Variants in KATNIP observed in about 807,000 individuals in gnomAD.
The protein encoded by KATNIP is katanin-interacting protein.
Under a neutral mutation model 174.0 loss-of-function variants are expected in KATNIP, and 126 were observed. That is an observed-to-expected ratio of 0.72 (90% CI 0.63 to 0.84). The LOEUF (loss-of-function observed/expected upper bound fraction) is 0.84. Ranked by LOEUF, KATNIP falls within the 40% of genes least tolerant of loss-of-function variation. The pLI, the probability that KATNIP is intolerant of heterozygous loss-of-function variation, is 0.00. For synonymous variants in KATNIP, 810 were observed against 835.7 expected (o/e 0.97, Z 0.53); for missense variants, 1,958 against 2,109.7 (o/e 0.93, Z 1.41).
In KATNIP at chr16:27,701,631, G is replaced by C; in HGVS notation, c.1222G>C (p.Gly408Arg). Residue 408 changes from glycine (G) to arginine (R), a missense_variant, in exon 11 of 28, where the codon GGG becomes CGG. By Grantham distance (125) the Gly-to-Arg change is moderately radical (BLOSUM62 -2). This residue lies in a region of KATNIP where 1,557 missense variants were observed against 1,617.8 expected (regional missense o/e 0.96). Coordinates refer to ENST00000261588, the MANE Select transcript of KATNIP (RefSeq NM_015202.5). ...TTATTTQEPA[G>R]AAGGARAINQ... The stretch of plus-strand genomic sequence containing the variant: ...GGCGACTACTACTCAGGAGCCGGCC[G>C]GGGCAGCAGGAGGAGCCAGGGCCAT... 6.2e-7 allele frequency: 1 copy of C among 1,607,432 alleles called. No homozygotes were observed. Among genetic ancestry groups the C allele is most frequent in the South Asian group, 1.1e-5 (1 of 89,004 alleles).
At chr16:27,710,040 C>T (rs952838814) in intron 13 of KATNIP, among the ~76,000 whole-genome samples, 2 of 152,120 alleles carry the variant, frequency 1.3e-5, no homozygotes, top group African/African-American at 4.8e-5. Flanking sequence ...GCACACTCCA[C>T]AAACGTTGAA....
chr16:27,780,166 T>G lies in KATNIP; in HGVS notation c.*1537T>G, dbSNP rs1056022507. 6.6e-6 allele frequency: 1 copy of G among 152,028 alleles called. No individual in the cohort carries two copies. Among genetic ancestry groups the G allele is most frequent in the Non-Finnish European group, 1.5e-5 (1 of 68,038 alleles). The allele number at this position is 152,028 out of a possible 1,614,324, so 9.4% of individuals were successfully genotyped here. ...GGAGGCCCAGCTACTCCTTCCCAGC[T>G]GAGATGTGGGTACAGGTCAGATTTG... On this transcript the variant is annotated 3_prime_UTR_variant, in exon 28 of 28. Coordinates refer to ENST00000261588, the MANE Select transcript of KATNIP (RefSeq NM_015202.5).
At chr16:27,720,226 G>A (rs1386706638) in intron 13 of KATNIP, among the ~76,000 whole-genome samples, 2 of 152,024 alleles carry the variant, frequency 1.3e-5, no homozygotes, top group East Asian at 1.9e-4. Context: ...GAGTAGCTGG[G>A]ATTACAGGCA....
chr16:27,572,508 T>C (rs1474852828), intron 1 of KATNIP, among the ~76,000 whole-genome samples: 1 of 152,068 alleles, frequency 6.6e-6, no homozygotes, highest in Non-Finnish European at 1.5e-5. Context: ...TAACTCAGCA[T>C]GACAGCTCAC....
At position 27,740,750 on chromosome 16, in the gene KATNIP, G is replaced by A. The variant is rs754102571; in HGVS notation, c.2453G>A (p.Arg818Gln). ...LRHEPGWGTS[R>Q]SVNTKERPQR... is the part of the protein sequence containing the mutation. Reference sequence around the variant, plus strand: ...CATGAGCCAGGGTGGGGGACCAGCCGGAGTGTCAACACCAAGGAGAGACCC... The same window carrying A: ...CATGAGCCAGGGTGGGGGACCAGCCAGAGTGTCAACACCAAGGAGAGACCC... The change falls in exon 15 of 28, where the codon CGG becomes CAG. Residue 818 changes from arginine to glutamine, a missense_variant. This residue lies in a region of KATNIP where 1,557 missense variants were observed against 1,617.8 expected (regional missense o/e 0.96). Transcript: ENST00000261588. The A allele has an allele frequency of 2.2e-5, 35 of 1,614,162 alleles. No homozygotes were observed. Among genetic ancestry groups the A allele is most frequent in the Middle Eastern group, 1.6e-4 (1 of 6,062 alleles).
At chr16:27,739,926 T>G (rs1339576286) in intron 14 of KATNIP, 115 bp from the exon 15 acceptor site, 1 of 1,192,830 alleles carries the variant, frequency 8.4e-7, no homozygotes, top group African/African-American at 1.5e-5. Flanking sequence ...TTTCAAAAGC[T>G]TGCATTTCTA....
chr16:27,689,810 G>A (rs904567498), intron 8 of KATNIP, among the ~76,000 whole-genome samples: 1 of 152,144 alleles, frequency 6.6e-6, no homozygotes, highest in Non-Finnish European at 1.5e-5. Context: ...TGGGCCAGAT[G>A]GTCTAGGACA....
intron 16 of KATNIP, 32 bp downstream of exon 16, chr16:27,750,338 C>T: frequency 6.4e-7 from 1 of 1,572,318 alleles, no homozygotes; most frequent in Admixed American, 1.8e-5. Context: ...TTTCTCAGAG[C>T]CCCTATCTGT....
chr16:27,703,330 C>T (rs531047164), intron 11 of KATNIP, among the ~76,000 whole-genome samples: 3 of 152,060 alleles, frequency 2.0e-5, no homozygotes, highest in South Asian at 2.1e-4. Flanking sequence ...AAACTGCACA[C>T]GTGGGCATGT....
intron 7 of KATNIP, among the ~76,000 whole-genome samples, chr16:27,679,364 G>A (rs1477711057): frequency 2.0e-5 from 3 of 151,906 alleles, no homozygotes; most frequent in Admixed American, 2.0e-4. Flanking sequence ...ATTGGATTAG[G>A]GCCCACCTAT....
chr16:27,731,189 A>G (rs1329639299), intron 14 of KATNIP, among the ~76,000 whole-genome samples: 1 of 152,132 alleles, frequency 6.6e-6, no homozygotes, highest in Non-Finnish European at 1.5e-5. Context: ...CAAGAATTGC[A>G]TGCCAGGGCC....
intron 2 of KATNIP, among the ~76,000 whole-genome samples, chr16:27,585,270 A>G (rs1461728527): frequency 6.7e-6 from 1 of 148,690 alleles, no homozygotes; most frequent in African/African-American, 2.6e-5. Context: ...TATTCAAAAG[A>G]CAGGCAAAAA....
intron 5 of KATNIP, among the ~76,000 whole-genome samples, chr16:27,638,615 G>A (rs1369908136): frequency 1.3e-5 from 2 of 152,068 alleles, no homozygotes; most frequent in African/African-American, 2.4e-5. Flanking sequence ...GTCCTCTCCC[G>A]GTCTTGGGGT....
intron 12 of KATNIP, 152 bp from the exon 13 acceptor site, chr16:27,708,553 G>C: frequency 1.7e-6 from 1 of 597,598 alleles, no homozygotes. Context: ...ATAACCATAG[G>C]TAGTGGGTGC....
chr16:27,706,294 G>A (rs74016987), intron 12 of KATNIP, among the ~76,000 whole-genome samples: 1,690 of 152,294 alleles, frequency 0.011, 29 homozygotes, highest in African/African-American at 0.038. Context: ...ATCTGTGACT[G>A]GTGTGCTTGC....
rs2075298755 is a variant in KATNIP, at chr16:27,595,183, G to T, written c.63+21227G>T. Among the ~76,000 whole-genome samples the T allele has an allele frequency of 2.0e-5, 3 of 152,128 alleles. 1 individual carries two copies. Among genetic ancestry groups the T allele is most frequent in the Admixed American group, 1.3e-4 (2 of 15,262 alleles). On this transcript the variant is annotated intron_variant, in intron 2 of 27. Transcript: ENST00000261588. ...GTAGATTGCATGAGACCAGGAGTTC[G>T]AGATCAGCCTGGGCAACATGGTAAA...
intron 14 of KATNIP, among the ~76,000 whole-genome samples, chr16:27,735,969 A>C (rs1335397988): frequency 6.6e-6 from 1 of 152,158 alleles, no homozygotes; most frequent in Non-Finnish European, 1.5e-5. Context: ...TCAGGAGAGA[A>C]AACCCATGTT....
At chr16:27,656,299 T>C (rs1294418921) in intron 6 of KATNIP, among the ~76,000 whole-genome samples, 1 of 151,404 alleles carries the variant, frequency 6.6e-6, no homozygotes, top group African/African-American at 2.4e-5. Flanking sequence ...ATGCCTGTAG[T>C]CCCAGCTACT....
chr16:27,625,878 CTCTG>C lies in KATNIP; in HGVS notation c.141-2776_141-2773del, dbSNP rs201589563. ...TTCTTTTTTTTTTTGGAGACAAGGT[CTCTG>C]TCTGTCACCCGGGCTGGAGTGCAGT... is the stretch of plus-strand genomic sequence containing the variant. On this transcript the variant is annotated intron_variant, in intron 3 of 27. Transcript: ENST00000261588. Among the ~76,000 whole-genome samples, 890 of 148,740 alleles carry C rather than the reference CTCTG, an allele frequency of 6.0e-3. 5 individuals carry two copies. Among genetic ancestry groups the C allele is most frequent in the Non-Finnish European group, 9.8e-3 (662 of 67,430 alleles).
Sources: allele counts gnomAD v4.1 joint callset (sites outside exome capture counted in the v4.1 genomes callset), GRCh38; gene constraint gnomAD v4.1.1; regional missense constraint gnomAD v4.1.1; transcripts MANE v1.5; gene names NCBI Gene and HGNC (gene_info 2026-07-23, HGNC 2026-07-21).